Variants in TMEM114 observed in about 807,000 individuals in gnomAD.
The protein encoded by TMEM114 is transmembrane protein 114.
TMEM114 carries 6 observed loss-of-function variants against 6.2 expected under a neutral mutation model. The observed-to-expected ratio is 0.97, with a 90% confidence interval of 0.53 to 1.91. The LOEUF is 1.91. Ranked by LOEUF, TMEM114 falls within the 40% of genes most tolerant of loss-of-function variation. The pLI is 0.01. For missense variants in TMEM114, 218 were observed against 158.3 expected (o/e 1.38, Z -2.02); for synonymous variants, 104 against 73.0 (o/e 1.42, Z -2.16).
intron 2 of TMEM114, among the ~76,000 whole-genome samples, chr16:8,548,488 C>T (rs910585398): frequency 2.0e-5 from 3 of 151,930 alleles, no homozygotes; most frequent in Non-Finnish European, 2.9e-5. Flanking sequence ...TTTTCCTAAT[C>T]GTCACCCCAC....
At chr16:8,538,796 G>A (rs1359155589) in intron 2 of TMEM114, among the ~76,000 whole-genome samples, 4 of 152,260 alleles carry the variant, frequency 2.6e-5, no homozygotes, top group South Asian at 4.1e-4. Context: ...GTGAGCCACC[G>A]CGCCCGCCCG....
chr16:8,575,270 C>G lies in TMEM114; in HGVS notation c.302-3046G>C, dbSNP rs115934265. 6.1e-3 allele frequency among the ~76,000 whole-genome samples: 927 copies of G among 152,302 alleles called. 10 individuals carry two copies. The highest frequency in any genetic ancestry group is 0.021 in the African/African-American group (881 of 41,570). On this transcript the variant is annotated intron_variant, in intron 2 of 3. Coordinates refer to ENST00000620492, the MANE Select transcript of TMEM114 (RefSeq NM_001146336.2). ...AAAACACCTGCCCACTGATCTAGAA[C>G]TTATTAAATTCAGCAAACATATTAA... is the stretch of plus-strand genomic sequence containing the variant.
chr16:8,578,375 C>A (rs1455590923), intron 2 of TMEM114, among the ~76,000 whole-genome samples: 1 of 152,152 alleles, frequency 6.6e-6, no homozygotes, highest in East Asian at 1.9e-4. Flanking sequence ...GTGATGCTCC[C>A]TGGCTTGTGG....
chr16:8,532,535 T>G, the TMEM114 span, among the ~76,000 whole-genome samples: 1 of 152,116 alleles, frequency 6.6e-6, no homozygotes, highest in Non-Finnish European at 1.5e-5. Context: ...TTACTAAAAT[T>G]ACATTCTAGG....
At chr16:8,581,051 A>T (rs1484183756) in intron 2 of TMEM114, among the ~76,000 whole-genome samples, 2 of 152,184 alleles carry the variant, frequency 1.3e-5, no homozygotes, top group African/African-American at 2.4e-5. Context: ...AGCACCCCAC[A>T]ATCATAATTG....
At chr16:8,538,798 G>A (rs1412895009) in intron 2 of TMEM114, among the ~76,000 whole-genome samples, 18 of 152,256 alleles carry the variant, frequency 1.2e-4, no homozygotes, top group South Asian at 8.3e-4. Flanking sequence ...GAGCCACCGC[G>A]CCCGCCCGGC....
intron 2 of TMEM114, among the ~76,000 whole-genome samples, chr16:8,580,770 C>T (rs1315876426): frequency 6.6e-6 from 1 of 152,146 alleles, no homozygotes; most frequent in Non-Finnish European, 1.5e-5. Flanking sequence ...CGGCTCACTG[C>T]AACCTCCATT....
chr16:8,536,584 A>G (rs529336205), downstream of TMEM114, among the ~76,000 whole-genome samples: 3 of 152,352 alleles, frequency 2.0e-5, no homozygotes, highest in South Asian at 4.1e-4. Context: ...AAGTGGATTC[A>G]AAGATCCCTC....
intron 2 of TMEM114, among the ~76,000 whole-genome samples, chr16:8,538,098 A>G (rs973919705): frequency 7.7e-6 from 1 of 129,558 alleles, no homozygotes; most frequent in Admixed American, 9.3e-5. Context: ...CAGGAGTTCG[A>G]GACCAGCCTG....
downstream of TMEM114, among the ~76,000 whole-genome samples, chr16:8,534,171 G>T (rs78127957): frequency 1.9e-4 from 29 of 152,304 alleles, no homozygotes; most frequent in East Asian, 5.6e-3. Context: ...ATTGAGCTCT[G>T]CCCAGATGGG....
downstream of TMEM114, among the ~76,000 whole-genome samples, chr16:8,533,061 AG>A (rs1900262045): frequency 6.6e-6 from 1 of 152,224 alleles, no homozygotes; most frequent in Non-Finnish European, 1.5e-5. Flanking sequence ...CCTACCATAA[AG>A]GTAGGGTAGT....
At chr16:8,537,373 C>T (rs528336579), downstream of TMEM114, among the ~76,000 whole-genome samples, 18 of 151,940 alleles carry the variant, frequency 1.2e-4, no homozygotes, top group African/African-American at 3.4e-4. Flanking sequence ...CGATGGCACA[C>T]GCCTGTAGTC....
chr16:8,530,557 G>A, the TMEM114 span, among the ~76,000 whole-genome samples: 1 of 139,446 alleles, frequency 7.2e-6, no homozygotes, highest in South Asian at 2.5e-4. Context: ...GAGAAAGGAA[G>A]ACAGCGAGGG....
chr16:8,529,542 T>C, the TMEM114 span, among the ~76,000 whole-genome samples: 5 of 152,154 alleles, frequency 3.3e-5, no homozygotes, highest in Non-Finnish European at 4.4e-5. Flanking sequence ...GGGTTGTTTG[T>C]TTAAATGCTG....
At chr16:8,569,390 G>A (rs779106712), downstream of TMEM114, 20 of 998,080 alleles carry the variant, frequency 2.0e-5, no homozygotes, top group African/African-American at 1.4e-4. Context: ...AGGAGGTAGG[G>A]CACCCTCTCC....
At chr16:8,579,991 A>G (rs1902080297) in intron 2 of TMEM114, among the ~76,000 whole-genome samples, 1 of 152,046 alleles carries the variant, frequency 6.6e-6, no homozygotes, top group Non-Finnish European at 1.5e-5. Flanking sequence ...GAAGTAGGAG[A>G]GGGATTCCCA....
chr16:8,555,660 T>C (rs1900986483), intron 2 of TMEM114, among the ~76,000 whole-genome samples: 1 of 152,180 alleles, frequency 6.6e-6, no homozygotes, highest in African/African-American at 2.4e-5. Flanking sequence ...TTCACGTCGA[T>C]GACTCCCCAT....
At chr16:8,554,480 C>G (rs763777604) in intron 2 of TMEM114, among the ~76,000 whole-genome samples, 8 of 152,110 alleles carry the variant, frequency 5.3e-5, no homozygotes, top group Non-Finnish European at 7.4e-5. Flanking sequence ...CTCTCATAGC[C>G]CCTTCATAGC....
chr16:8,537,840 C>G (rs2141645399), intron 2 of TMEM114: 1 of 152,112 alleles, frequency 6.6e-6, no homozygotes, highest in East Asian at 1.9e-4. Flanking sequence ...TAAAAAAGAA[C>G]AAGAAAGCTT....
Sources: allele counts gnomAD v4.1 joint callset (sites outside exome capture counted in the v4.1 genomes callset), GRCh38; gene constraint gnomAD v4.1.1; transcripts MANE v1.5; gene names NCBI Gene and HGNC (gene_info 2026-07-23, HGNC 2026-07-21).